Variants in NME7 observed in about 807,000 individuals in gnomAD.
The protein encoded by NME7 is NME/NM23 family member 7.
NME7 carries 41 observed loss-of-function variants against 49.1 expected under a neutral mutation model. The ratio of observed to expected loss-of-function variants is 0.83; its 90% CI spans 0.65 to 1.08. The LOEUF (loss-of-function observed/expected upper bound fraction) is 1.08, where lower values mean the gene tolerates loss of function less well. Among genes scored for constraint, NME7 ranks in the 50% least tolerant of loss-of-function variants. The probability of loss-of-function intolerance (pLI) is 0.00; values close to 1 mark genes in which losing one functional copy is unlikely to be tolerated. For synonymous variants in NME7, 139 were observed against 150.6 expected (o/e 0.92, Z 0.56); for missense variants, 423 against 463.4 (o/e 0.91, Z 0.80).
chr1:169,303,316 A>G (rs1046960986), intron 4 of NME7, 121 bp from the exon 5 acceptor site: 2 of 426,662 alleles, frequency 4.7e-6, no homozygotes, highest in Non-Finnish European at 8.1e-6. Context: ...TATTTTAATT[A>G]ATAATTTTTC....
At chr1:169,153,827 T>C (rs1040365066) in intron 11 of NME7, among the ~76,000 whole-genome samples, 3 of 151,758 alleles carry the variant, frequency 2.0e-5, no homozygotes, top group African/African-American at 7.3e-5. Flanking sequence ...GCCTCCTGAC[T>C]AGCTGAGACT....
At chr1:169,365,361 G>A (rs1364624640) in intron 1 of NME7, among the ~76,000 whole-genome samples, 2 of 152,162 alleles carry the variant, frequency 1.3e-5, no homozygotes, top group African/African-American at 4.8e-5. Context: ...CATTCTCAAT[G>A]TTTGGCCTTT....
chr1:169,215,309 G>A (rs900628533), intron 10 of NME7, among the ~76,000 whole-genome samples: 11 of 152,106 alleles, frequency 7.2e-5, no homozygotes, highest in African/African-American at 2.4e-4. Context: ...GGCACAGGAT[G>A]GGGGGCAGGG....
chr1:169,282,870 G>A (rs1302248089), intron 7 of NME7, among the ~76,000 whole-genome samples: 1 of 152,116 alleles, frequency 6.6e-6, no homozygotes, highest in African/African-American at 2.4e-5. Context: ...TTCCAATTAT[G>A]TGGTCAATTT....
intron 10 of NME7, among the ~76,000 whole-genome samples, chr1:169,220,745 T>C (rs188884998): frequency 1.4e-3 from 218 of 152,336 alleles, no homozygotes; most frequent in African/African-American, 5.0e-3. Context: ...CTTAATACTT[T>C]CCTGAAAATG....
At chr1:169,232,912 C>CTTTTT (rs10545228) in intron 9 of NME7, among the ~76,000 whole-genome samples, 1,008 of 74,418 alleles carry the variant, frequency 0.014, 2 homozygotes, top group East Asian at 0.021. Context: ...GTTTTCTTTT[C>CTTTTT]TTTTTTTTTT....
intron 1 of NME7, among the ~76,000 whole-genome samples, chr1:169,364,523 C>T (rs1653777746): frequency 6.6e-6 from 1 of 151,218 alleles, no homozygotes; most frequent in African/African-American, 2.5e-5. Flanking sequence ...TGGGACTACA[C>T]ACATATGCCA....
At chr1:169,354,145 C>G (rs916271981) in intron 1 of NME7, among the ~76,000 whole-genome samples, 1 of 152,048 alleles carries the variant, frequency 6.6e-6, no homozygotes, top group Admixed American at 6.6e-5. Flanking sequence ...TGGAAGCAAC[C>G]TAAGTGTCCA....
At chr1:169,177,049 G>T (rs553886068) in intron 10 of NME7, among the ~76,000 whole-genome samples, 1 of 152,092 alleles carries the variant, frequency 6.6e-6, no homozygotes, top group Non-Finnish European at 1.5e-5. Flanking sequence ...AGCAAGAGAG[G>T]CATTCTTAAT....
intron 1 of NME7, among the ~76,000 whole-genome samples, chr1:169,335,835 G>C (rs1409391112): frequency 6.7e-6 from 1 of 149,962 alleles, no homozygotes; most frequent in Non-Finnish European, 1.5e-5. Context: ...CACCATCTAA[G>C]AACCTGCTCC....
chr1:169,141,692 C>G (rs1259732371), intron 11 of NME7, among the ~76,000 whole-genome samples: 1 of 152,026 alleles, frequency 6.6e-6, no homozygotes, highest in Non-Finnish European at 1.5e-5. Flanking sequence ...GTTAGAAAAG[C>G]TCCAAGACAA....
intron 11 of NME7, among the ~76,000 whole-genome samples, chr1:169,138,132 G>A (rs1334643152): frequency 6.6e-6 from 1 of 151,350 alleles, no homozygotes; most frequent in African/African-American, 2.4e-5. Context: ...CCAACATGGC[G>A]AAACCTCGTT....
chr1:169,155,079 G>C (rs1047949244), intron 11 of NME7, among the ~76,000 whole-genome samples: 11 of 151,912 alleles, frequency 7.2e-5, no homozygotes, highest in Non-Finnish European at 1.3e-4. Flanking sequence ...CAAAGTGCTG[G>C]GATTACCACA....
intron 11 of NME7, among the ~76,000 whole-genome samples, chr1:169,137,042 C>T (rs1658453850): frequency 6.6e-6 from 1 of 152,236 alleles, no homozygotes; most frequent in African/African-American, 2.4e-5. Flanking sequence ...GCCTGTGTCA[C>T]TACACTAGAT....
intron 7 of NME7, among the ~76,000 whole-genome samples, chr1:169,280,226 T>G (rs35249110): frequency 0.24 from 37,170 of 152,052 alleles, 5,494 homozygotes; most frequent in Non-Finnish European, 0.34. Context: ...ATGAGGAGCA[T>G]TTTTTCATAT....
chr1:169,228,586 A>G (rs1647444902), intron 10 of NME7, among the ~76,000 whole-genome samples: 3 of 150,158 alleles, frequency 2.0e-5, no homozygotes, highest in Non-Finnish European at 3.0e-5. Flanking sequence ...CTGAGGCAGG[A>G]GAATGGCGTG....
intron 7 of NME7, among the ~76,000 whole-genome samples, chr1:169,248,434 T>C (rs1297923157): frequency 1.3e-5 from 2 of 152,134 alleles, no homozygotes; most frequent in African/African-American, 4.8e-5. Context: ...GGTTGTCTAT[T>C]TATTCTGATA....
In NME7 at chr1:169,132,533, G is replaced by GTT; in HGVS notation, c.*250_*251dup. On this transcript the variant is annotated 3_prime_UTR_variant, in exon 12 of 12. Transcript: ENST00000367811. ...TGTATGAAATAAACCAAAGTCACTTGTTTGAAAATAAATCTTTATTTTGAA... is the reference window on the plus strand; with the variant it reads ...TGTATGAAATAAACCAAAGTCACTTGTTTTTGAAAATAAATCTTTATTTTGAA... 3 of 432,146 alleles carry GTT rather than the reference G, an allele frequency of 6.9e-6. No individual in the cohort carries two copies. Among genetic ancestry groups the GTT allele is most frequent in the Non-Finnish European group, 1.2e-5 (3 of 246,384 alleles). The allele number at this position is 432,146 out of a possible 1,614,324, so 26.8% of individuals were successfully genotyped here. A position where few individuals can be genotyped will look rare whatever the true frequency, so the allele number is the denominator to read the frequency against.
rs771711157 is a variant in NME7 at position 169,287,377 on chromosome 1, C to T, written c.680G>A (p.Gly227Asp). 20 of 1,600,306 alleles carry T rather than the reference C, an allele frequency of 1.2e-5. No individual in the cohort carries two copies. Among genetic ancestry groups the T allele is most frequent in the Admixed American group, 1.7e-5 (1 of 57,416 alleles). The change falls in exon 7 of 12, where the codon GGT (glycine) becomes GAT (aspartate). Residue 227 changes from glycine (G) to aspartate (D), a missense_variant. Transcript: ENST00000367811. ...TTTAGCAGTGTTTGCCGGCCCACAA[C>T]CTCCACTTGAAGGAAAAAACAACTC... The part of the protein sequence containing the change: ...EMELFFPSSG[G>D]CGPANTAKFT...
Sources: gnomAD v4.1 joint callset for allele counts (sites outside exome capture counted in the v4.1 genomes callset) on GRCh38, gnomAD v4.1.1 for gene constraint, MANE v1.5 for transcripts, NCBI Gene and HGNC (gene_info 2026-07-23, HGNC 2026-07-21) for gene names.